The following PCSK5 variants were observed in gnomAD, a reference collection of about 807,000 sequenced individuals.
PCSK5 encodes the protein prohormone convertase 5.
Under a neutral mutation model 233.2 loss-of-function variants are expected in PCSK5, and 129 were observed. That is an observed-to-expected ratio of 0.55 (90% CI 0.48 to 0.64). PCSK5 has a LOEUF of 0.64. Among genes scored for constraint, PCSK5 ranks in the 30% least tolerant of loss-of-function variants. The probability of loss-of-function intolerance (pLI) is 0.00; values close to 1 mark genes in which losing one functional copy is unlikely to be tolerated. For synonymous variants in PCSK5, 825 were observed against 879.2 expected (o/e 0.94, Z 1.09); for missense variants, 2,076 against 2,430.1 (o/e 0.85, Z 3.06).
intron 5 of PCSK5, among the ~76,000 whole-genome samples, chr9:76,058,689 A>C (rs1047803852): frequency 6.6e-6 from 1 of 152,208 alleles, no homozygotes; most frequent in Admixed American, 6.5e-5. Flanking sequence ...AAAAATTGAC[A>C]TGAAAACAGA....
intron 3 of PCSK5, among the ~76,000 whole-genome samples, chr9:75,994,400 C>CTTTTTTTTTTTTTTTTTTTTTTT (rs550518074): frequency 3.7e-5 from 3 of 82,040 alleles, no homozygotes; most frequent in African/African-American, 1.2e-4. Flanking sequence ...TTCTTTCTTT[C>CTTTTTTTTTTTTTTTTTTTTTTT]TTTTTTTTTT....
chr9:75,963,120 CTT>C (rs964965291), intron 2 of PCSK5, among the ~76,000 whole-genome samples: 3 of 152,038 alleles, frequency 2.0e-5, no homozygotes, highest in African/African-American at 7.2e-5. Context: ...TTTTCTTTCT[CTT>C]TTTAATTACC....
chr9:76,338,426 C>A lies in PCSK5; in HGVS notation c.4945C>A (p.Pro1649Thr), dbSNP rs780843234. Residue 1649 changes from proline (P) to threonine (T), a missense_variant, in exon 35 of 38, where the codon CCG becomes ACG. Physicochemically the swap from Pro to Thr is conservative, Grantham distance 38 (BLOSUM62 -1). Around this residue, in one of 6 missense-constraint regions of PCSK5, gnomAD observed 1,510 missense variants for 1,538.1 expected, o/e 0.98. Transcript: ENST00000674117. Reference sequence around the variant, plus strand: ...CACACAGACCTGTGAGAGATGCCATCCGACTTGTGATCAATGCAAAGGTGA... The same window carrying A: ...CACACAGACCTGTGAGAGATGCCATACGACTTGTGATCAATGCAAAGGTGA... ...QSTQTCERCH[P>T]TCDQCKGKGA... is the part of the protein sequence containing the mutation. 1 of 1,611,378 alleles carries A rather than the reference C, an allele frequency of 6.2e-7. No homozygotes were observed. The highest frequency in any genetic ancestry group is 8.5e-7 in the Non-Finnish European group (1 of 1,178,604).
chr9:75,934,774 G>T (rs952792021), intron 2 of PCSK5, among the ~76,000 whole-genome samples: 1 of 152,014 alleles, frequency 6.6e-6, no homozygotes, highest in Non-Finnish European at 1.5e-5. Flanking sequence ...TAGAGATGGG[G>T]TTTCACCATG....
At chr9:75,901,898 A>G (rs576693344) in intron 1 of PCSK5, among the ~76,000 whole-genome samples, 1 of 152,164 alleles carries the variant, frequency 6.6e-6, no homozygotes, top group East Asian at 1.9e-4. Flanking sequence ...TTTCTCATGA[A>G]TGTTCAGGAG....
At chr9:76,137,607 C>G (rs1823039349) in intron 10 of PCSK5, among the ~76,000 whole-genome samples, 1 of 152,122 alleles carries the variant, frequency 6.6e-6, no homozygotes, top group Non-Finnish European at 1.5e-5. Context: ...ATAATCCTAG[C>G]TAAGTTTCAG....
At chr9:76,239,194 C>G in intron 23 of PCSK5, 29 bp downstream of exon 23, 1 of 1,523,660 alleles carries the variant, frequency 6.6e-7, no homozygotes, top group Non-Finnish European at 8.9e-7. Flanking sequence ...CCTTGCCCAG[C>G]ACCCGAACAT....
chr9:76,163,911 G>A (rs1002953199), intron 12 of PCSK5, among the ~76,000 whole-genome samples: 32 of 118,872 alleles, frequency 2.7e-4, no homozygotes, highest in African/African-American at 9.7e-4. Context: ...TTTAGATTTA[G>A]CTTAGATGTA....
At chr9:76,072,461 G>A (rs1686423763) in intron 7 of PCSK5, among the ~76,000 whole-genome samples, 1 of 152,140 alleles carries the variant, frequency 6.6e-6, no homozygotes, top group South Asian at 2.1e-4. Context: ...GTAATAAAAT[G>A]TCTATTTCAA....
At chr9:76,319,576 G>T (rs1037031580) in intron 30 of PCSK5, among the ~76,000 whole-genome samples, 6 of 152,076 alleles carry the variant, frequency 3.9e-5, no homozygotes, top group African/African-American at 1.4e-4. Flanking sequence ...AGGGCTCCTT[G>T]GTCGAGCGGT....
chr9:76,228,140 T>A (rs1290709027), intron 21 of PCSK5, among the ~76,000 whole-genome samples: 1 of 151,866 alleles, frequency 6.6e-6, no homozygotes, highest in Non-Finnish European at 1.5e-5. Flanking sequence ...TGGCTAACTT[T>A]TGTGTCATTT....
chr9:76,116,069 A>G (rs1832412408), intron 9 of PCSK5, among the ~76,000 whole-genome samples: 1 of 152,120 alleles, frequency 6.6e-6, no homozygotes, highest in African/African-American at 2.4e-5. Context: ...AAAAATTTAT[A>G]ATCATAATGC....
At chr9:75,954,424 G>A (rs180736134) in intron 2 of PCSK5, among the ~76,000 whole-genome samples, 27 of 152,144 alleles carry the variant, frequency 1.8e-4, no homozygotes, top group Admixed American at 3.9e-4. Context: ...TCCCCCTCCC[G>A]CTCCTAGTAT....
intron 2 of PCSK5, among the ~76,000 whole-genome samples, chr9:75,958,595 T>C (rs893298898): frequency 6.6e-6 from 1 of 152,170 alleles, no homozygotes; most frequent in African/African-American, 2.4e-5. Flanking sequence ...ATTCATGAGC[T>C]TGAGACTCTC....
At chr9:76,191,604 C>T (rs1824379834) in intron 20 of PCSK5, among the ~76,000 whole-genome samples, 1 of 152,142 alleles carries the variant, frequency 6.6e-6, no homozygotes, top group African/African-American at 2.4e-5. Context: ...TTTGCATCTC[C>T]ATGGTTTTTC....
chr9:76,221,902 T>C lies in PCSK5; in HGVS notation c.2627-5601T>C, dbSNP rs765369520. On this transcript the variant is annotated intron_variant, in intron 20 of 37. Transcript: ENST00000674117. Reference sequence around the variant, plus strand: ...TGCCTGCCTGAGAATGAAAAAGCAATGGGACCAGGAAGGATAAGTCTTGTC... The same window carrying C: ...TGCCTGCCTGAGAATGAAAAAGCAACGGGACCAGGAAGGATAAGTCTTGTC... 1.1e-3 allele frequency among the ~76,000 whole-genome samples: 163 copies of C among 152,034 alleles called. 1 individual carries two copies. Among genetic ancestry groups the C allele is most frequent in the Admixed American group, 1.4e-3 (21 of 15,276 alleles).
At chr9:75,907,324 T>C (rs1356990092) in intron 1 of PCSK5, among the ~76,000 whole-genome samples, 1 of 152,100 alleles carries the variant, frequency 6.6e-6, no homozygotes, top group Non-Finnish European at 1.5e-5. Flanking sequence ...GTACGTAAAA[T>C]GTAAAATAAT....
At chr9:76,247,315 T>A (rs1253978189) in intron 24 of PCSK5, among the ~76,000 whole-genome samples, 1 of 151,750 alleles carries the variant, frequency 6.6e-6, no homozygotes, top group Non-Finnish European at 1.5e-5. Flanking sequence ...TTTAATAGAG[T>A]GAAATAGAGT....
Position 76,095,876 on chromosome 9 carries a change from CTGTT to C in PCSK5, c.895-10_895-7del. The C allele has an allele frequency of 1.2e-6, 2 of 1,612,118 alleles. No homozygotes were observed. The highest frequency in any genetic ancestry group is 1.1e-5 in the South Asian group (1 of 91,038). On this transcript the variant is annotated splice_polypyrimidine_tract_variant and intron_variant, in intron 7 of 37. Coordinates refer to ENST00000674117, the MANE Select transcript of PCSK5 (RefSeq NM_001372043.1). ...ATTTCACACCATCATTTAGCTTTCT[CTGTT>C]TGTGAACAGGGGCGGAGAGGCCTCG... is the stretch of plus-strand genomic sequence containing the variant.
Sources: gnomAD v4.1 joint callset for allele counts (sites outside exome capture counted in the v4.1 genomes callset) on GRCh38, gnomAD v4.1.1 for gene constraint, gnomAD v4.1.1 regional missense constraint, MANE v1.5 for transcripts, NCBI Gene and HGNC (gene_info 2026-07-23, HGNC 2026-07-21) for gene names.